Variants in CNBD1 observed in about 807,000 individuals in gnomAD.
The protein encoded by CNBD1 is cyclic nucleotide binding domain containing 1.
In CNBD1, 71 loss-of-function variants were observed where a neutral mutation model predicts 54.4. The observed-to-expected ratio is 1.30, with a 90% CI of 1.08 to 1.59. The LOEUF (loss-of-function observed/expected upper bound fraction) is 1.59, where lower values mean the gene tolerates loss of function less well. Ranked by LOEUF, CNBD1 falls within the 40% of genes most tolerant of loss-of-function variation. The probability of loss-of-function intolerance (pLI) is 0.00; values close to 1 mark genes in which losing one functional copy is unlikely to be tolerated. For synonymous variants in CNBD1, 182 were observed against 170.7 expected, an observed-to-expected ratio of 1.07 and a Z score of -0.51; for missense variants, 659 against 518.0, an observed-to-expected ratio of 1.27 and a Z score of -2.64.
rs1277746933 is a variant in CNBD1, at chr8:86,905,113, A to C, written c.191A>C (p.Asp64Ala). The change falls in exon 3 of 11, where the codon GAT (aspartate) becomes GCT (alanine). Residue 64 changes from aspartate to alanine, a missense_variant. Coordinates refer to ENST00000518476, the MANE Select transcript of CNBD1 (RefSeq NM_173538.3). ...RSMSNILSAH[D>A]TFMKQYPKVF... ...ATGAGCAATATCTTATCAGCTCACG[A>C]TACATTTATGAAGCAATATCCTAAA... The C allele has an allele frequency of 1.2e-6, 2 of 1,611,852 alleles. No individual in the cohort carries two copies.
At chr8:86,936,478 C>T (rs1809549934) in intron 3 of CNBD1, among the ~76,000 whole-genome samples, 1 of 152,074 alleles carries the variant, frequency 6.6e-6, no homozygotes. Context: ...TGGTGGCTAA[C>T]ACCTGTAATC....
intron 10 of CNBD1, among the ~76,000 whole-genome samples, chr8:87,370,610 G>A (rs1195134706): frequency 1.3e-5 from 2 of 151,872 alleles, no homozygotes; most frequent in Admixed American, 6.6e-5. Flanking sequence ...TAAGTTCATT[G>A]TAGATTCTGG....
chr8:87,358,585 G>T (rs567893084), intron 10 of CNBD1, among the ~76,000 whole-genome samples: 1 of 150,948 alleles, frequency 6.6e-6, no homozygotes, highest in Non-Finnish European at 1.5e-5. Context: ...AGAACCAATA[G>T]GATATATATA....
intron 2 of CNBD1, among the ~76,000 whole-genome samples, chr8:86,901,389 GTTAAC>G (rs1333287024): frequency 2.0e-5 from 3 of 152,064 alleles, no homozygotes; most frequent in Non-Finnish European, 2.9e-5. Context: ...ATTTGCCTTA[GTTAAC>G]TTAAAATAAA....
At chr8:87,090,864 T>C (rs1461340134) in intron 4 of CNBD1, among the ~76,000 whole-genome samples, 3 of 152,078 alleles carry the variant, frequency 2.0e-5, no homozygotes, top group African/African-American at 4.8e-5. Context: ...AGTTAGGCTG[T>C]GCACGGTGGC....
chr8:87,361,146 C>T (rs1044531934), intron 10 of CNBD1, among the ~76,000 whole-genome samples: 1 of 151,746 alleles, frequency 6.6e-6, no homozygotes, highest in Non-Finnish European at 1.5e-5. Context: ...ATATGCAATT[C>T]CAAGTTAAAA....
chr8:87,059,869 G>T (rs934383324), intron 4 of CNBD1, among the ~76,000 whole-genome samples: 1 of 152,174 alleles, frequency 6.6e-6, no homozygotes, highest in African/African-American at 2.4e-5. Context: ...TGGGAAACTG[G>T]CTCAGTCAAG....
chr8:87,210,620 G>A (rs903369671), intron 5 of CNBD1, among the ~76,000 whole-genome samples: 24 of 152,142 alleles, frequency 1.6e-4, no homozygotes, highest in African/African-American at 4.6e-4. Context: ...ATATAGCTTG[G>A]GATGCCCCTC....
At chr8:87,118,892 T>A (rs1442002746) in intron 4 of CNBD1, among the ~76,000 whole-genome samples, 1 of 152,234 alleles carries the variant, frequency 6.6e-6, no homozygotes, top group Non-Finnish European at 1.5e-5. Flanking sequence ...CGAAATTCTT[T>A]GAAACTTTAT....
intron 8 of CNBD1, among the ~76,000 whole-genome samples, chr8:87,324,418 G>A (rs1381221514): frequency 1.5e-5 from 2 of 137,652 alleles, no homozygotes; most frequent in African/African-American, 5.3e-5. Flanking sequence ...ATTCGGCTGT[G>A]AATCCATCTG....
intron 6 of CNBD1, among the ~76,000 whole-genome samples, chr8:87,238,079 A>G (rs115912402): frequency 0.011 from 1,489 of 140,368 alleles, 19 homozygotes; most frequent in African/African-American, 0.04. Flanking sequence ...TTTTTTTTTT[A>G]ATGTTCAAAC....
chr8:87,361,007 A>G (rs574211526), intron 10 of CNBD1, among the ~76,000 whole-genome samples: 1 of 152,106 alleles, frequency 6.6e-6, no homozygotes, highest in East Asian at 1.9e-4. Flanking sequence ...GAGATAAGTT[A>G]TAGCCAAGAT....
intron 4 of CNBD1, among the ~76,000 whole-genome samples, chr8:87,205,023 C>G (rs1283321820): frequency 6.6e-6 from 1 of 151,944 alleles, no homozygotes. Context: ...TAAACACACA[C>G]AGACATAAAC....
intron 4 of CNBD1, among the ~76,000 whole-genome samples, chr8:87,141,987 T>C (rs1315649687): frequency 1.3e-5 from 2 of 152,202 alleles, no homozygotes; most frequent in Non-Finnish European, 2.9e-5. Flanking sequence ...ACTCCTTAAC[T>C]GTGAAACAGA....
Position 86,965,803 on chromosome 8 carries a change from C to T in CNBD1, c.431+26049C>T, listed in dbSNP as rs138849638. On this transcript the variant is annotated intron_variant, in intron 4 of 10. Coordinates refer to ENST00000518476, the MANE Select transcript of CNBD1 (RefSeq NM_173538.3). ...TGAGCTTTATTGAGTGTTCCAACAGCTCAGAGGAGACCTGCAGCAGGTAGC... is the reference window on the plus strand; with the variant it reads ...TGAGCTTTATTGAGTGTTCCAACAGTTCAGAGGAGACCTGCAGCAGGTAGC... Among the ~76,000 whole-genome samples the T allele has an allele frequency of 3.9e-3, 590 of 152,240 alleles. 4 individuals are homozygous for T. The highest frequency in any genetic ancestry group is 0.013 in the African/African-American group (548 of 41,554).
At chr8:87,264,721 G>A (rs1185989032) in intron 6 of CNBD1, among the ~76,000 whole-genome samples, 1 of 152,100 alleles carries the variant, frequency 6.6e-6, no homozygotes, top group Non-Finnish European at 1.5e-5. Context: ...TCTCATTGTG[G>A]TTTTGATTTT....
intron 4 of CNBD1, among the ~76,000 whole-genome samples, chr8:87,102,476 A>C (rs1388687503): frequency 6.6e-6 from 1 of 152,246 alleles, no homozygotes; most frequent in Non-Finnish European, 1.5e-5. Flanking sequence ...TTTGTGGGCA[A>C]GATTGCAGGT....
At chr8:87,203,753 G>A (rs1161242230) in intron 4 of CNBD1, among the ~76,000 whole-genome samples, 2 of 152,038 alleles carry the variant, frequency 1.3e-5, no homozygotes, top group African/African-American at 4.8e-5. Flanking sequence ...GTATATTTCT[G>A]GTCTGCTAAC....
chr8:87,176,083 G>T (rs1466496996), intron 4 of CNBD1, among the ~76,000 whole-genome samples: 1 of 152,232 alleles, frequency 6.6e-6, no homozygotes, highest in Admixed American at 6.5e-5. Context: ...CGCTGCAGGG[G>T]CAGGGTGGGT....
Sources: gnomAD v4.1 joint callset for allele counts (sites outside exome capture counted in the v4.1 genomes callset) on GRCh38, gnomAD v4.1.1 for gene constraint, MANE v1.5 for transcripts, NCBI Gene and HGNC (gene_info 2026-07-23, HGNC 2026-07-21) for gene names.